POLE: variants seen among roughly 807,000 people sequenced by gnomAD.
POLE encodes DNA polymerase epsilon catalytic subunit A.
Under a neutral mutation model 279.2 loss-of-function variants are expected in POLE, and 188 were observed. The ratio of observed to expected loss-of-function variants is 0.67; its 90% CI spans 0.60 to 0.76. POLE has a LOEUF of 0.76. POLE is among the 30% of genes least tolerant of loss of function. POLE has a pLI of 0.00. For missense variants in POLE, 2,703 were observed against 3,016.7 expected, an observed-to-expected ratio of 0.90 and a Z score of 2.44; for synonymous variants, 1,214 against 1,172.5, an observed-to-expected ratio of 1.04 and a Z score of -0.72.
intron 1 of POLE, among the ~76,000 whole-genome samples, chr12:132,681,776 A>G (rs1214130518): frequency 2.6e-5 from 4 of 152,238 alleles, no homozygotes; most frequent in African/African-American, 9.6e-5. Context: ...TACTAACAAA[A>G]AGAGTCATGA....
chr12:132,630,163 A>G (rs2041909536), intron 45 of POLE, among the ~76,000 whole-genome samples: 1 of 152,206 alleles, frequency 6.6e-6, no homozygotes, highest in African/African-American at 2.4e-5. Flanking sequence ...TAATAGTGGA[A>G]AAGTCTGAAA....
intron 45 of POLE, among the ~76,000 whole-genome samples, chr12:132,626,691 G>A (rs1446427082): frequency 6.6e-6 from 1 of 151,962 alleles, no homozygotes; most frequent in African/African-American, 2.4e-5. Context: ...AATGCGCAAC[G>A]AGATATTAGC....
Position 132,639,838 on chromosome 12 carries a change from TCGGGAGG to T in POLE, c.5379-547_5379-541del. On this transcript the variant is annotated intron_variant, in intron 39 of 48. Transcript: ENST00000320574. This position sits in a 1 kb window ranked among gnomAD's most constrained non-coding sequence, Gnocchi z 4.7. ...TAGTGCATGCCTGTAATCCTGCTAC[TCGGGAGG>T]CTAAGGCAGGAGAATCGCTTGAACC... Among the ~76,000 whole-genome samples the T allele has an allele frequency of 6.6e-6, 1 of 152,286 alleles. No homozygotes were observed. The highest frequency in any genetic ancestry group is 1.9e-4 in the East Asian group (1 of 5,176).
chr12:132,636,258 T>A (rs1440944159), intron 41 of POLE, among the ~76,000 whole-genome samples: 1 of 151,984 alleles, frequency 6.6e-6, no homozygotes, highest in Non-Finnish European at 1.5e-5. Flanking sequence ...TGCCTCCTCG[T>A]GCTGGGGATG....
intron 14 of POLE, 34 bp downstream of exon 14, chr12:132,673,130 A>G (rs769582998): frequency 7.4e-7 from 1 of 1,348,642 alleles, no homozygotes; most frequent in Non-Finnish European, 1.1e-6. Context: ...AGGGCTGAGG[A>G]GGCCAGGGTG....
intron 1 of POLE, among the ~76,000 whole-genome samples, chr12:132,686,624 A>G (rs2043275248): frequency 6.6e-6 from 1 of 151,584 alleles, no homozygotes; most frequent in Admixed American, 6.6e-5. Flanking sequence ...AATTCCAGCT[A>G]CTCGGGAGGC....
rs555630844 is a variant in POLE, at chr12:132,626,097, C to T, written c.6531+20G>A. 36 of 1,575,252 alleles carry T rather than the reference C, an allele frequency of 2.3e-5. 1 individual carries two copies. Among genetic ancestry groups the T allele is most frequent in the Admixed American group, 2.2e-4 (12 of 54,544 alleles). On this transcript the variant is annotated intron_variant, in intron 46 of 48. Coordinates refer to ENST00000320574, the MANE Select transcript of POLE (RefSeq NM_006231.4). ...GATGTTCTGCTCCACAGTGAAGGGC[C>T]CGCTGGAGCTCAGCCGCACCTCTGA...
At chr12:132,654,407 A>G (rs2042488986) in intron 29 of POLE, among the ~76,000 whole-genome samples, 1 of 152,098 alleles carries the variant, frequency 6.6e-6, no homozygotes, top group South Asian at 2.1e-4. Flanking sequence ...TGTAATGGTT[A>G]AAGTTCTATT....
chr12:132,653,371 T>C (rs568674606), intron 29 of POLE, among the ~76,000 whole-genome samples: 2 of 152,324 alleles, frequency 1.3e-5, no homozygotes, highest in South Asian at 4.1e-4. Flanking sequence ...GAAGACCATG[T>C]CTCAAAAAGA....
chr12:132,649,963 C>T, intron 29 of POLE, 74 bp from the exon 30 acceptor site: 2 of 1,373,022 alleles, frequency 1.5e-6, no homozygotes, highest in Non-Finnish European at 2.0e-6. Context: ...GGAATGCCAG[C>T]ACTTTGGGAG....
At chr12:132,626,372 C>A in intron 45 of POLE, 55 bp from the exon 46 acceptor site, 1 of 1,547,192 alleles carries the variant, frequency 6.5e-7, no homozygotes, top group South Asian at 1.1e-5. Context: ...CCCTGCTGCT[C>A]TGTCTGGACC....
At position 132,648,977 on chromosome 12, in the gene POLE, G is replaced by A. The variant is rs780694561; in HGVS notation, c.4101C>T (p.Tyr1367=). ...CCGCTTTAGCGACTCGCTGGTTCACGTAGAACACACGGGGGATGCTCAGCC... is the reference window on the plus strand; with the variant it reads ...CCGCTTTAGCGACTCGCTGGTTCACATAGAACACACGGGGGATGCTCAGCC... ...CIRLSIPRVF[Y]VNQRVAKAEE... Residue 1367 remains tyrosine, a synonymous_variant, in exon 32 of 49, where the codon TAC becomes TAT. Coordinates refer to ENST00000320574, the MANE Select transcript of POLE (RefSeq NM_006231.4). 7.9e-5 allele frequency: 128 copies of A among 1,613,948 alleles called. No homozygotes were observed. Among genetic ancestry groups the A allele is most frequent in the Non-Finnish European group, 1.0e-4 (120 of 1,179,990 alleles).
At chr12:132,663,232 G>A in intron 23 of POLE, among the ~76,000 whole-genome samples, 1 of 152,234 alleles carries the variant, frequency 6.6e-6, no homozygotes, top group East Asian at 1.9e-4. Flanking sequence ...CCCACTGGGT[G>A]TGTATTTACG....
At chr12:132,654,622 C>T (rs2042493997) in intron 29 of POLE, among the ~76,000 whole-genome samples, 1 of 151,752 alleles carries the variant, frequency 6.6e-6, no homozygotes, top group South Asian at 2.1e-4. Flanking sequence ...AAAACCTTGT[C>T]TCTACAAAAA....
At position 132,641,693 on chromosome 12, in the gene POLE, C is replaced by T. The variant is rs755346486; in HGVS notation, c.5332G>A (p.Ala1778Thr). 8.7e-6 allele frequency: 14 copies of T among 1,613,900 alleles called. No individual in the cohort carries two copies. In the East Asian group the frequency reaches 3.1e-4, roughly 36 times the overall value. Residue 1778 changes from alanine (A) to threonine (T), a missense_variant, in exon 39 of 49, where the codon GCC (alanine) becomes ACC (threonine). By Grantham distance (58) the Ala-to-Thr change is moderately conservative. Coordinates refer to ENST00000320574, the MANE Select transcript of POLE (RefSeq NM_006231.4). ...GCTGTCTCATCGTAGCTGGCCGGGGCACTGGCAGCCTGACCACCCGTGATC... is the reference window on the plus strand; with the variant it reads ...GCTGTCTCATCGTAGCTGGCCGGGGTACTGGCAGCCTGACCACCCGTGATC... Reference protein sequence around the residue: ...DMITGGQAASAPASYDETALC... With the variant: ...DMITGGQAASTPASYDETALC...
intron 20 of POLE, among the ~76,000 whole-genome samples, chr12:132,666,368 A>G (rs2042796894): frequency 6.6e-6 from 1 of 152,236 alleles, no homozygotes; most frequent in Non-Finnish European, 1.5e-5. Flanking sequence ...TGGATAGATG[A>G]CCTGAGTTCA....
Position 132,624,255 on chromosome 12 carries a change from T to C in POLE, c.*442A>G. ...TGAGACTCCAGCCCCACCAGGGCCT[T>C]GGGAACCCGTCTCGTCTCAGAGCCC... On this transcript the variant is annotated 3_prime_UTR_variant, in exon 49 of 49. Transcript: ENST00000320574. The C allele has an allele frequency of 3.9e-6, 1 of 254,734 alleles. No homozygotes were observed. Among genetic ancestry groups the C allele is most frequent in the Non-Finnish European group, 7.7e-6 (1 of 130,608 alleles). 15.8% of individuals were successfully genotyped at this position (254,734 alleles called of 1,614,324 possible).
In POLE at chr12:132,639,769, T is replaced by C. The variant is rs5744959; in HGVS notation, c.5379-471A>G. On this transcript the variant is annotated intron_variant, in intron 39 of 48. Coordinates refer to ENST00000320574, the MANE Select transcript of POLE (RefSeq NM_006231.4). The surrounding 1 kb of genome is among the most constrained non-coding windows in gnomAD (Gnocchi z 4.7). ...GAGTTTGAGACCAACCTGGCCAACATGGTGAAACCCCGTCTCTATTAAAAA... is the reference window on the plus strand; with the variant it reads ...GAGTTTGAGACCAACCTGGCCAACACGGTGAAACCCCGTCTCTATTAAAAA... Among the ~76,000 whole-genome samples, 1,757 of 152,222 alleles carry C rather than the reference T, an allele frequency of 0.012. 37 individuals carry two copies. The highest frequency in any genetic ancestry group is 0.04 in the African/African-American group (1,656 of 41,498).
chr12:132,668,475 C>A lies in POLE; in HGVS notation c.2054G>T (p.Arg685Leu), dbSNP rs770597683. The A allele has an allele frequency of 6.2e-7, 1 of 1,605,914 alleles. No homozygotes were observed. Among genetic ancestry groups the A allele is most frequent in the Non-Finnish European group, 8.5e-7 (1 of 1,175,820 alleles). ...FMPASRSEYH[R>L]IQHQLESEKF... is the part of the protein sequence containing the mutation. ...CTCTGACTCCAGCTGGTGCTGGATC[C>A]GATGGTATTCGCTGCGACTGGCTGG... The change falls in exon 19 of 49, where the codon CGG becomes CTG. Residue 685 changes from arginine to leucine, a missense_variant. Transcript: ENST00000320574. This position sits in a 1 kb window ranked among gnomAD's most constrained non-coding sequence, Gnocchi z 4.0.
Sources: gnomAD v4.1 joint callset for allele counts (sites outside exome capture counted in the v4.1 genomes callset) on GRCh38, gnomAD v4.1.1 for gene constraint, Gnocchi (gnomAD v3.1) non-coding constraint, MANE v1.5 for transcripts, NCBI Gene and HGNC (gene_info 2026-07-23, HGNC 2026-07-21) for gene names.